TGFBR2: variants seen among roughly 807,000 people sequenced by gnomAD.
TGFBR2 encodes the protein TGF-beta receptor type-2.
In TGFBR2, 18 loss-of-function variants were observed where a neutral mutation model predicts 49.0. The observed-to-expected ratio is 0.37, with a 90% CI of 0.25 to 0.54. The LOEUF is 0.54. Ranked by LOEUF, TGFBR2 falls within the 20% of genes least tolerant of loss-of-function variation. The pLI is 0.85. For missense variants in TGFBR2, 525 were observed against 722.6 expected, an observed-to-expected ratio of 0.73 and a Z score of 3.13; for synonymous variants, 282 against 275.9, an observed-to-expected ratio of 1.02 and a Z score of -0.22.
rs997766869 is a variant in TGFBR2, at chr3:30,674,206, G to T, written c.1356G>T (p.Leu452=). 1.7e-5 allele frequency: 27 copies of T among 1,614,058 alleles called. No individual in the cohort carries two copies. In the Admixed American group the frequency reaches 1.8e-4, roughly 11 times the overall value. ...FKQTDVYSMA[L]VLWEMTSRCN... ...AGACCGATGTCTACTCCATGGCTCT[G>T]GTGCTCTGGGAAATGACATCTCGCT... Residue 452 remains leucine, a synonymous_variant, in exon 5 of 7, where the codon CTG becomes CTT. Transcript: ENST00000295754.
At chr3:30,648,601 T>G (rs1391901823) in intron 2 of TGFBR2, among the ~76,000 whole-genome samples, 1 of 152,190 alleles carries the variant, frequency 6.6e-6, no homozygotes, top group Non-Finnish European at 1.5e-5. Flanking sequence ...CAACTTTCAT[T>G]TAGTTTCATT....
At chr3:30,648,174 A>G (rs1698803792) in intron 2 of TGFBR2, among the ~76,000 whole-genome samples, 1 of 152,142 alleles carries the variant, frequency 6.6e-6, no homozygotes, top group Non-Finnish European at 1.5e-5. Context: ...GAGTGGAGAA[A>G]GCAGTTAAGG....
intron 1 of TGFBR2, among the ~76,000 whole-genome samples, chr3:30,642,022 A>G (rs143971775): frequency 4.3e-4 from 65 of 151,756 alleles, no homozygotes; most frequent in Non-Finnish European, 5.4e-4. Context: ...GACTTAAACC[A>G]CTTGCATTTG....
intron 5 of TGFBR2, among the ~76,000 whole-genome samples, chr3:30,683,125 C>T (rs1223569795): frequency 5.9e-5 from 9 of 152,248 alleles, no homozygotes; most frequent in East Asian, 1.9e-4. Context: ...TGTTGGATCC[C>T]GTCTCTGAAG....
At chr3:30,630,951 A>G (rs548888645) in intron 1 of TGFBR2, among the ~76,000 whole-genome samples, 2 of 150,434 alleles carry the variant, frequency 1.3e-5, no homozygotes, top group Non-Finnish European at 3.0e-5. Context: ...TTTATAAATC[A>G]CCCAGTCTCA....
intron 1 of TGFBR2, among the ~76,000 whole-genome samples, chr3:30,608,506 A>G (rs1248362221): frequency 6.6e-6 from 1 of 152,150 alleles, no homozygotes; most frequent in Non-Finnish European, 1.5e-5. Context: ...TTGACAGTCC[A>G]CATCACCCGG....
intron 1 of TGFBR2, among the ~76,000 whole-genome samples, chr3:30,643,393 C>T (rs896880627): frequency 2.0e-5 from 3 of 152,206 alleles, no homozygotes; most frequent in Admixed American, 2.0e-4. Flanking sequence ...ACTGTCCAAA[C>T]TCATGTCTTA....
At chr3:30,688,824 C>T (rs1031407992) in intron 6 of TGFBR2, among the ~76,000 whole-genome samples, 2 of 152,158 alleles carry the variant, frequency 1.3e-5, no homozygotes, top group East Asian at 1.9e-4. Context: ...TGGGCCTTCA[C>T]GTCAGGAGTT....
At chr3:30,670,540 G>A (rs1699318889) in intron 3 of TGFBR2, among the ~76,000 whole-genome samples, 1 of 152,194 alleles carries the variant, frequency 6.6e-6, no homozygotes, top group Non-Finnish European at 1.5e-5. Flanking sequence ...AAGCAGCCCA[G>A]CACAAGCTCC....
rs1200198943 is a variant in TGFBR2 at position 30,663,852 on chromosome 3, C to A, written c.455-7786C>A. Among the ~76,000 whole-genome samples the A allele has an allele frequency of 2.6e-5, 4 of 151,906 alleles. No individual in the cohort carries two copies. The East Asian group carries it at 5.8e-4, about 22-fold the overall frequency. On this transcript the variant is annotated intron_variant, in intron 3 of 6. Transcript: ENST00000295754. ...TCTGTGTTTTATTTTGGAATGAATTCTTTTTCACAAGAGAGAAATCAGAGT... is the reference window on the plus strand; with the variant it reads ...TCTGTGTTTTATTTTGGAATGAATTATTTTTCACAAGAGAGAAATCAGAGT...
chr3:30,668,545 A>G (rs775734588), intron 3 of TGFBR2, among the ~76,000 whole-genome samples: 8 of 152,116 alleles, frequency 5.3e-5, no homozygotes, highest in Non-Finnish European at 1.0e-4. Context: ...TGTTTGCTGT[A>G]CAACAGGGAC....
chr3:30,685,307 G>A (rs1224624436), intron 5 of TGFBR2, among the ~76,000 whole-genome samples: 1 of 152,114 alleles, frequency 6.6e-6, no homozygotes, highest in Non-Finnish European at 1.5e-5. Flanking sequence ...CACAAGAAGG[G>A]GCTACATCAA....
intron 1 of TGFBR2, among the ~76,000 whole-genome samples, chr3:30,628,967 T>A (rs1698388376): frequency 6.6e-6 from 1 of 152,166 alleles, no homozygotes; most frequent in South Asian, 2.1e-4. Context: ...GATAGAACTT[T>A]AATTACACAA....
intron 1 of TGFBR2, among the ~76,000 whole-genome samples, chr3:30,625,997 C>A (rs894302471): frequency 6.6e-6 from 1 of 152,184 alleles, no homozygotes; most frequent in South Asian, 2.1e-4. Context: ...TTAGGATCAC[C>A]TGCGAACTTC....
intron 1 of TGFBR2, among the ~76,000 whole-genome samples, chr3:30,639,484 C>T (rs1246140972): frequency 6.6e-6 from 1 of 152,218 alleles, no homozygotes; most frequent in Non-Finnish European, 1.5e-5. Flanking sequence ...AGTTCCCAGG[C>T]TGCCAGTCTG....
At chr3:30,655,097 G>A (rs955950823) in intron 3 of TGFBR2, among the ~76,000 whole-genome samples, 13 of 152,184 alleles carry the variant, frequency 8.5e-5, no homozygotes, top group African/African-American at 2.9e-4. Flanking sequence ...AATACAAAGC[G>A]GGTGGGAGGT....
At chr3:30,606,441 G>A (rs940414398), upstream of TGFBR2, 11 of 234,020 alleles carry the variant, frequency 4.7e-5, no homozygotes, top group Admixed American at 4.5e-4. Flanking sequence ...CAAAGCTCTC[G>A]GAGGGGCTGG....
chr3:30,671,989 A>G lies in TGFBR2; in HGVS notation c.806A>G (p.Glu269Gly), dbSNP rs1699347841. The G allele has an allele frequency of 6.2e-7, 1 of 1,614,160 alleles. No homozygotes were observed. The highest frequency in any genetic ancestry group is 8.5e-7 in the Non-Finnish European group (1 of 1,180,022). Reference protein sequence around the residue: ...YKAKLKQNTSEQFETVAVKIF... With the variant: ...YKAKLKQNTSGQFETVAVKIF... ...GCCAAGCTGAAGCAGAACACTTCAG[A>G]GCAGTTTGAGACAGTGGCAGTCAAG... Residue 269 changes from glutamate (E) to glycine (G), a missense_variant, in exon 4 of 7, where the codon GAG becomes GGG. Physicochemically the swap from Glu to Gly is moderately conservative, Grantham distance 98. Coordinates refer to ENST00000295754, the MANE Select transcript of TGFBR2 (RefSeq NM_003242.6).
At chr3:30,619,870 C>T (rs1196205036) in intron 1 of TGFBR2, among the ~76,000 whole-genome samples, 1 of 152,164 alleles carries the variant, frequency 6.6e-6, no homozygotes, top group African/African-American at 2.4e-5. Flanking sequence ...TGCCAAGCTA[C>T]CTGTGCTGTC....
Sources: allele counts gnomAD v4.1 joint callset (sites outside exome capture counted in the v4.1 genomes callset), GRCh38; gene constraint gnomAD v4.1.1; transcripts MANE v1.5; gene names NCBI Gene and HGNC (gene_info 2026-07-23, HGNC 2026-07-21).